The following ZNF804A variants were observed in gnomAD, a reference collection of about 807,000 sequenced individuals.
The protein encoded by ZNF804A is zinc finger protein 804A.
A neutral mutation model predicts 16.5 loss-of-function variants in ZNF804A; 2 were observed. That is an observed-to-expected ratio of 0.12 (90% CI 0.05 to 0.38). ZNF804A has a LOEUF of 0.38. Ranked by LOEUF, ZNF804A falls within the 10% of genes least tolerant of loss-of-function variation. The pLI, the probability that ZNF804A is intolerant of heterozygous loss-of-function variation, is 0.99. For synonymous variants in ZNF804A, 534 were observed against 489.6 expected (o/e 1.09, Z -1.20); for missense variants, 1,473 against 1,390.7 (o/e 1.06, Z -0.94).
chr2:184,816,641 G>A (rs1331655697), intron 1 of ZNF804A, among the ~76,000 whole-genome samples: 1 of 151,812 alleles, frequency 6.6e-6, no homozygotes, highest in African/African-American at 2.4e-5. Context: ...TTTATCAACC[G>A]ATCAATCATT....
chr2:184,877,027 A>G (rs1453130695), intron 2 of ZNF804A, among the ~76,000 whole-genome samples: 1 of 152,162 alleles, frequency 6.6e-6, no homozygotes, highest in Non-Finnish European at 1.5e-5. Flanking sequence ...AAAAAAAACT[A>G]TAAGAAAGCC....
intron 2 of ZNF804A, among the ~76,000 whole-genome samples, chr2:184,904,265 AT>A (rs1324830843): frequency 2.0e-5 from 3 of 152,094 alleles, no homozygotes; most frequent in Non-Finnish European, 4.4e-5. Context: ...AGTTTACTTA[AT>A]TTTTATTACA....
chr2:184,664,351 T>G (rs1393719330), intron 1 of ZNF804A, among the ~76,000 whole-genome samples: 1 of 152,156 alleles, frequency 6.6e-6, no homozygotes, highest in Non-Finnish European at 1.5e-5. Flanking sequence ...AATTATAAAC[T>G]ACACAATATT....
At chr2:184,753,186 T>G (rs1693902178) in intron 1 of ZNF804A, among the ~76,000 whole-genome samples, 1 of 151,692 alleles carries the variant, frequency 6.6e-6, no homozygotes, top group Non-Finnish European at 1.5e-5. Context: ...CACACTTGTT[T>G]AATATCAAAT....
intron 1 of ZNF804A, among the ~76,000 whole-genome samples, chr2:184,652,426 T>C (rs1012090095): frequency 4.6e-5 from 7 of 152,088 alleles, no homozygotes; most frequent in Non-Finnish European, 7.4e-5. Context: ...CTCCTGAATC[T>C]GAAATAACAG....
rs116774374 is a variant in ZNF804A, at chr2:184,784,422, G to C, written c.112-81947G>C. 5.9e-3 allele frequency among the ~76,000 whole-genome samples: 891 copies of C among 151,922 alleles called. 6 individuals carry two copies. Among genetic ancestry groups the C allele is most frequent in the Non-Finnish European group, 0.01 (691 of 67,926 alleles). The stretch of plus-strand genomic sequence containing the variant: ...TGTAAATGTGGGGTTATTCTTGCTG[G>C]AGGTCTGATGGCATACAGTTTATTC... On this transcript the variant is annotated intron_variant, in intron 1 of 3. Coordinates refer to ENST00000302277, the MANE Select transcript of ZNF804A (RefSeq NM_194250.2).
chr2:184,761,655 A>G (rs1694038147), intron 1 of ZNF804A, among the ~76,000 whole-genome samples: 1 of 152,146 alleles, frequency 6.6e-6, no homozygotes, highest in Non-Finnish European at 1.5e-5. Context: ...AAAAAACATA[A>G]CTGAACAAAA....
intron 1 of ZNF804A, among the ~76,000 whole-genome samples, chr2:184,647,178 G>C (rs1691891691): frequency 6.6e-6 from 1 of 152,202 alleles, no homozygotes; most frequent in Non-Finnish European, 1.5e-5. Context: ...CCCTAGGAAG[G>C]AGGAGATAGG....
rs72899917 is a variant in ZNF804A at position 184,657,764 on chromosome 2, A to G, written c.111+58694A>G. Among the ~76,000 whole-genome samples the G allele has an allele frequency of 4.6e-3, 694 of 152,192 alleles. 4 individuals are homozygous for G. Among genetic ancestry groups the G allele is most frequent in the Non-Finnish European group, 8.4e-3 (571 of 67,998 alleles). On this transcript the variant is annotated intron_variant, in intron 1 of 3. Transcript: ENST00000302277. ...GTTGCCTGAATACTTATCTAATGGG[A>G]GGGATGGATTTTTATAAGCAATTGG...
intron 2 of ZNF804A, among the ~76,000 whole-genome samples, chr2:184,903,499 A>G (rs1445529439): frequency 6.6e-6 from 1 of 152,112 alleles, no homozygotes; most frequent in African/African-American, 2.4e-5. Context: ...TATACCACCT[A>G]GGTTTGTGTA....
rs115975461 is a variant in ZNF804A, at chr2:184,846,893, G to A, written c.112-19476G>A. On this transcript the variant is annotated intron_variant, in intron 1 of 3. Transcript: ENST00000302277. ...ATGATAAGTATAGCTAAGTAGAATG[G>A]CCAAACCTTTACTGTGACAGCTGAG... Among the ~76,000 whole-genome samples the A allele has an allele frequency of 2.4e-3, 361 of 152,170 alleles. 2 individuals are homozygous for A. The highest frequency in any genetic ancestry group is 0.01 in the Middle Eastern group (3 of 294).
chr2:184,810,067 G>T (rs887316312), intron 1 of ZNF804A, among the ~76,000 whole-genome samples: 2 of 152,064 alleles, frequency 1.3e-5, no homozygotes, highest in Non-Finnish European at 2.9e-5. Context: ...ACAAACTATC[G>T]CCCAGGACTA....
At chr2:184,734,296 T>C (rs1292241299) in intron 1 of ZNF804A, among the ~76,000 whole-genome samples, 2 of 152,338 alleles carry the variant, frequency 1.3e-5, no homozygotes, top group East Asian at 3.9e-4. Context: ...TTTTCAAATA[T>C]GTGCTTTATT....
chr2:184,855,961 C>A (rs1382532574), intron 1 of ZNF804A, among the ~76,000 whole-genome samples: 2 of 151,970 alleles, frequency 1.3e-5, no homozygotes, highest in Non-Finnish European at 2.9e-5. Flanking sequence ...TATCAAATAA[C>A]TTTTTAATGT....
At chr2:184,860,036 T>C (rs1695772128) in intron 1 of ZNF804A, among the ~76,000 whole-genome samples, 1 of 152,132 alleles carries the variant, frequency 6.6e-6, no homozygotes. Context: ...GGGTCCTGAG[T>C]CCATGAGGAC....
chr2:184,645,692 G>A (rs1376975730), intron 1 of ZNF804A, among the ~76,000 whole-genome samples: 1 of 152,146 alleles, frequency 6.6e-6, no homozygotes, highest in African/African-American at 2.4e-5. Flanking sequence ...CCCAAAGATG[G>A]GGGATTAGAG....
At chr2:184,779,504 TAG>T (rs1374780324) in intron 1 of ZNF804A, among the ~76,000 whole-genome samples, 3 of 151,748 alleles carry the variant, frequency 2.0e-5, no homozygotes, top group South Asian at 4.1e-4. Flanking sequence ...AAGTTGTAGA[TAG>T]AATTAAGTTT....
intron 1 of ZNF804A, among the ~76,000 whole-genome samples, chr2:184,836,906 C>T (rs1695356983): frequency 6.6e-6 from 1 of 151,652 alleles, no homozygotes; most frequent in South Asian, 2.1e-4. Context: ...ATACTTTAAG[C>T]ACTGATAATA....
intron 1 of ZNF804A, among the ~76,000 whole-genome samples, chr2:184,712,253 C>T (rs1693142128): frequency 6.6e-6 from 1 of 151,712 alleles, no homozygotes; most frequent in African/African-American, 2.4e-5. Flanking sequence ...CCTGCCTCAG[C>T]CTCACAAAAC....
Sources: allele counts gnomAD v4.1 joint callset (sites outside exome capture counted in the v4.1 genomes callset), GRCh38; gene constraint gnomAD v4.1.1; transcripts MANE v1.5; gene names NCBI Gene and HGNC (gene_info 2026-07-23, HGNC 2026-07-21).